CLASRP: variants seen among roughly 807,000 people sequenced by gnomAD.
CLASRP encodes CLK4 associating serine/arginine rich protein, also known as CLK4-associating serine/arginine rich protein.
A neutral mutation model predicts 99.9 loss-of-function variants in CLASRP; 52 were observed. The ratio of observed to expected loss-of-function variants is 0.52; its 90% CI spans 0.42 to 0.66. CLASRP has a LOEUF of 0.66. CLASRP is among the 30% of genes least tolerant of loss of function. CLASRP has a pLI of 0.00. For missense variants in CLASRP, 848 were observed against 999.2 expected, an observed-to-expected ratio of 0.85 and a Z score of 2.04; for synonymous variants, 379 against 373.0, an observed-to-expected ratio of 1.02 and a Z score of -0.18.
intron 2 of CLASRP, among the ~76,000 whole-genome samples, chr19:45,041,253 C>G (rs1357007366): frequency 6.7e-6 from 1 of 149,270 alleles, no homozygotes; most frequent in African/African-American, 2.5e-5. Context: ...AAGACTGTCT[C>G]AAAAAAAAAG....
intron 5 of CLASRP, 24 bp downstream of exon 5, chr19:45,053,201 G>C: frequency 6.2e-7 from 1 of 1,612,310 alleles, no homozygotes; most frequent in Non-Finnish European, 8.5e-7. Context: ...GGGGGGACGT[G>C]GGGTGTGGGG....
intron 13 of CLASRP, among the ~76,000 whole-genome samples, chr19:45,065,399 A>G (rs1189879649): frequency 2.0e-5 from 3 of 151,208 alleles, no homozygotes; most frequent in African/African-American, 4.9e-5. Context: ...AAAAAAAAAA[A>G]AAAAAAAAAA....
At position 45,069,232 on chromosome 19, in the gene CLASRP, C is replaced by G; in HGVS notation, c.1858C>G (p.Arg620Gly). The change falls in exon 18 of 21, where the codon CGC becomes GGC. Residue 620 changes from arginine to glycine, a missense_variant. Around this residue, in one of 8 missense-constraint regions of CLASRP, gnomAD observed 116 missense variants for 162.7 expected, o/e 0.71. Coordinates refer to ENST00000221455, the MANE Select transcript of CLASRP (RefSeq NM_007056.3). Reference sequence around the variant, plus strand: ...GGAAGACGAGCTTCGAGCCATGGCCCGCAAGATCCGCATGAAGTAAGACCT... The same window carrying G: ...GGAAGACGAGCTTCGAGCCATGGCCGGCAAGATCCGCATGAAGTAAGACCT... ...EREDELRAMA[R>G]KIRMKERERR... The G allele has an allele frequency of 1.2e-6, 2 of 1,613,698 alleles. No individual in the cohort carries two copies. Among genetic ancestry groups the G allele is most frequent in the Non-Finnish European group, 1.7e-6 (2 of 1,180,018 alleles).
chr19:45,069,508 T>C lies in CLASRP; in HGVS notation c.1874+260T>C. 6.8e-6 allele frequency: 4 copies of C among 584,424 alleles called. No homozygotes were observed. The South Asian group carries it at 8.1e-5, about 12-fold the overall frequency. 36.2% of individuals were successfully genotyped at this position (584,424 alleles called of 1,614,324 possible). A position where few individuals can be genotyped will look rare whatever the true frequency, so the allele number is the denominator to read the frequency against. The stretch of plus-strand genomic sequence containing the variant: ...TCCAAGTGCCAGTCACCTTTGCTGT[T>C]TTTTTGGCCTGGCAAGCTGTTCCTG... On this transcript the variant is annotated intron_variant, in intron 18 of 20. Coordinates refer to ENST00000221455, the MANE Select transcript of CLASRP (RefSeq NM_007056.3).
chr19:45,063,468 C>T (rs1202529309), intron 11 of CLASRP, among the ~76,000 whole-genome samples: 1 of 35,384 alleles, frequency 2.8e-5, no homozygotes, highest in Non-Finnish European at 5.8e-5. Context: ...TTTTTTGAGA[C>T]GGAGTCTCAC....
At chr19:45,061,220 TC>T (rs1397603830) in intron 10 of CLASRP, among the ~76,000 whole-genome samples, 1 of 152,130 alleles carries the variant, frequency 6.6e-6, no homozygotes, top group Non-Finnish European at 1.5e-5. Flanking sequence ...GACTGAGAGT[TC>T]CTGTAAGGCT....
chr19:45,057,950 G>C (rs781778919), intron 7 of CLASRP, 52 bp downstream of exon 7: 13 of 1,608,092 alleles, frequency 8.1e-6, no homozygotes, highest in Non-Finnish European at 1.1e-5. Flanking sequence ...CATCGTTTCT[G>C]TGTCTCGTCC....
intron 2 of CLASRP, among the ~76,000 whole-genome samples, chr19:45,049,582 G>A (rs1008250177): frequency 9.2e-5 from 14 of 152,146 alleles, no homozygotes; most frequent in African/African-American, 3.4e-4. Context: ...CCTTCAGCCC[G>A]GACTGCACCT....
rs748999418 is a variant in CLASRP at position 45,070,857 on chromosome 19, GGGGGT to G, written c.*17_*21del. ...ATTACCGACATTAGGCAGAAGAGTG[GGGGGT>G]GGGGAGGACAAGGGGGTGGGTAAGG... On this transcript the variant is annotated 3_prime_UTR_variant, in exon 21 of 21. Transcript: ENST00000221455. 4 of 1,560,652 alleles carry G rather than the reference GGGGGT, an allele frequency of 2.6e-6. No individual in the cohort carries two copies. The South Asian group carries it at 4.5e-5, about 17-fold the overall frequency.
chr19:45,050,743 G>A lies in CLASRP; in HGVS notation c.100-1328G>A, dbSNP rs552713464. On this transcript the variant is annotated intron_variant, in intron 2 of 20. Transcript: ENST00000221455. Reference sequence around the variant, plus strand: ...TTTTTGTTTTTGGAGATGGAGTCTCGCTCTTGTCCCCCAGGCTGGAGTGCA... The same window carrying A: ...TTTTTGTTTTTGGAGATGGAGTCTCACTCTTGTCCCCCAGGCTGGAGTGCA... Among the ~76,000 whole-genome samples, 29 of 151,920 alleles carry A rather than the reference G, an allele frequency of 1.9e-4. 1 individual carries two copies. In the South Asian group the frequency reaches 2.3e-3, roughly 12 times the overall value.
intron 10 of CLASRP, among the ~76,000 whole-genome samples, chr19:45,061,263 G>A (rs1044289103): frequency 6.6e-6 from 1 of 152,158 alleles, no homozygotes; most frequent in Admixed American, 6.6e-5. Flanking sequence ...GGTTGGTATC[G>A]GAAACATTCC....
chr19:45,054,145 G>A (rs1261110196), intron 5 of CLASRP, among the ~76,000 whole-genome samples: 1 of 152,238 alleles, frequency 6.6e-6, no homozygotes, highest in East Asian at 1.9e-4. Context: ...GCTGCTCTGG[G>A]CTTGCCCAGG....
rs1348122140 is a variant in CLASRP at position 45,063,994 on chromosome 19, C to T, written c.906-18C>T. The T allele has an allele frequency of 1.3e-6, 2 of 1,594,028 alleles. No individual in the cohort carries two copies. The highest frequency in any genetic ancestry group is 1.8e-5 in the Admixed American group (1 of 56,902). ...TCCGGGAGCCTGAGCTAGTGAGCCT[C>T]CTCCTCCCTACCCGCAGGTCACCCT... On this transcript the variant is annotated intron_variant, in intron 11 of 20. Coordinates refer to ENST00000221455, the MANE Select transcript of CLASRP (RefSeq NM_007056.3).
chr19:45,064,842 AG>A lies in CLASRP; in HGVS notation c.1409+214del. Among the ~76,000 whole-genome samples, 4 of 152,242 alleles carry A rather than the reference AG, an allele frequency of 2.6e-5. No individual in the cohort carries two copies. In the South Asian group the frequency reaches 8.3e-4, roughly 32 times the overall value. On this transcript the variant is annotated intron_variant, in intron 13 of 20. Transcript: ENST00000221455. ...TGCGTGCGCGTTCTGGTGGCAGTGGAGGTGGATCCCAGCCGCTGTTTTCCAC... is the reference window on the plus strand; with the variant it reads ...TGCGTGCGCGTTCTGGTGGCAGTGGAGTGGATCCCAGCCGCTGTTTTCCAC...
intron 6 of CLASRP, 72 bp from the exon 7 acceptor site, chr19:45,057,678 G>C: frequency 6.3e-7 from 1 of 1,574,848 alleles, no homozygotes; most frequent in Non-Finnish European, 8.7e-7. Context: ...ACTCGAGACT[G>C]GTGTGTGGGG....
Position 45,060,285 on chromosome 19 carries a change from G to T in CLASRP, c.711-104G>T, listed in dbSNP as rs971953318. 6 of 964,798 alleles carry T rather than the reference G, an allele frequency of 6.2e-6. No homozygotes were observed. The East Asian group carries it at 1.5e-4, about 24-fold the overall frequency. 59.8% of individuals were successfully genotyped at this position (964,798 alleles called of 1,614,324 possible). ...TGAATGAAAGATACCTCAGGCTGGC[G>T]TGGGGTGACTCAGGTCCCTCACTTT... is the stretch of plus-strand genomic sequence containing the variant. On this transcript the variant is annotated intron_variant, in intron 8 of 20. Coordinates refer to ENST00000221455, the MANE Select transcript of CLASRP (RefSeq NM_007056.3). The surrounding 1 kb of genome is among the most constrained non-coding windows in gnomAD (Gnocchi z 4.6).
chr19:45,068,314 C>T (rs2085922977), intron 15 of CLASRP, 106 bp from the exon 16 acceptor site: 4 of 628,776 alleles, frequency 6.4e-6, no homozygotes, highest in Admixed American at 5.1e-5. Context: ...GTCGTTCTCC[C>T]CCCCCCACCC....
intron 2 of CLASRP, among the ~76,000 whole-genome samples, chr19:45,048,445 G>T (rs1391644023): frequency 2.0e-5 from 3 of 151,464 alleles, no homozygotes; most frequent in African/African-American, 7.3e-5. Flanking sequence ...AGAATCGCTT[G>T]AACCTGGGAG....
chr19:45,068,309 T>TGTACC, intron 15 of CLASRP, 111 bp from the exon 16 acceptor site: 4 of 651,126 alleles, frequency 6.1e-6, no homozygotes, highest in East Asian at 2.8e-5. Context: ...CCCACGTCGT[T>TGTACC]CTCCCCCCCC....
Sources: allele counts gnomAD v4.1 joint callset (sites outside exome capture counted in the v4.1 genomes callset), GRCh38; gene constraint gnomAD v4.1.1; regional missense constraint gnomAD v4.1.1; non-coding constraint Gnocchi (gnomAD v3.1); transcripts MANE v1.5; gene names NCBI Gene and HGNC (gene_info 2026-07-23, HGNC 2026-07-21).